CHKA: variants seen among roughly 807,000 people sequenced by gnomAD.
CHKA encodes the protein choline kinase alpha, also known as CHETK-alpha.
A neutral mutation model predicts 60.1 loss-of-function variants in CHKA; 34 were observed. That is an observed-to-expected ratio of 0.57 (90% CI 0.43 to 0.75). The LOEUF is 0.75. CHKA is among the 30% of genes least tolerant of loss of function. The pLI is 0.00. For missense variants in CHKA, 563 were observed against 561.3 expected (o/e 1.00, Z -0.03); for synonymous variants, 217 against 223.1 (o/e 0.97, Z 0.24).
chr11:68,067,614 G>A (rs986153181), intron 7 of CHKA, among the ~76,000 whole-genome samples: 3 of 152,166 alleles, frequency 2.0e-5, no homozygotes, highest in Non-Finnish European at 4.4e-5. Flanking sequence ...ATTGGAGGCA[G>A]ACGCCCAAAG....
intron 1 of CHKA, 151 bp from the exon 2 acceptor site, chr11:68,097,281 T>TA (rs1269927346): frequency 1.9e-6 from 1 of 533,376 alleles, no homozygotes; most frequent in Non-Finnish European, 3.2e-6. Flanking sequence ...TGAGTCACAT[T>TA]AAAAACAGAC....
In CHKA at chr11:68,074,848, A is replaced by C. The variant is rs1465847644; in HGVS notation, c.517-18T>G. ...TCAGCCCCCTAAAACAGATGGCAAC[A>C]AATCAGGTGTTTACTGAGTGTTTGC... is the stretch of plus-strand genomic sequence containing the variant. On this transcript the variant is annotated intron_variant, in intron 3 of 11. Coordinates refer to ENST00000265689, the MANE Select transcript of CHKA (RefSeq NM_001277.3). 2 of 1,612,048 alleles carry C rather than the reference A, an allele frequency of 1.2e-6. No individual in the cohort carries two copies. Among genetic ancestry groups the C allele is most frequent in the Admixed American group, 3.3e-5 (2 of 60,012 alleles).
At position 68,081,481 on chromosome 11, in the gene CHKA, C is replaced by T. The variant is rs904897534; in HGVS notation, c.463-24G>A. 3 of 1,596,376 alleles carry T rather than the reference C, an allele frequency of 1.9e-6. No homozygotes were observed. The Admixed American group carries it at 5.0e-5, about 27-fold the overall frequency. On this transcript the variant is annotated intron_variant, in intron 2 of 11. Coordinates refer to ENST00000265689, the MANE Select transcript of CHKA (RefSeq NM_001277.3). ...CTCTATGAATGAGAAAAAGGAAACA[C>T]TTCTGGTGAGATGGGGAACACTAAA... is the stretch of plus-strand genomic sequence containing the variant.
chr11:68,119,550 ACCGCCG>A (rs1374259175), intron 1 of CHKA, among the ~76,000 whole-genome samples: 1 of 152,122 alleles, frequency 6.6e-6, no homozygotes, highest in East Asian at 1.9e-4. Context: ...GCTCACTGCA[ACCGCCG>A]CCTCCCAGGT....
chr11:68,093,007 GT>G (rs34534250), intron 2 of CHKA, among the ~76,000 whole-genome samples: 7,302 of 139,544 alleles, frequency 0.052, 121 homozygotes, highest in African/African-American at 0.098. Context: ...TTTTTTTTGG[GT>G]TTTTTTTTTT....
chr11:68,109,566 G>A (rs1027761590), intron 1 of CHKA, among the ~76,000 whole-genome samples: 1 of 152,132 alleles, frequency 6.6e-6, no homozygotes, highest in African/African-American at 2.4e-5. Flanking sequence ...GCGGGGAGGA[G>A]AACTAAGAAA....
intron 4 of CHKA, 107 bp from the exon 5 acceptor site, chr11:68,070,964 T>G: frequency 9.2e-7 from 1 of 1,082,050 alleles, no homozygotes; most frequent in East Asian, 2.5e-5. Flanking sequence ...CATTTAAGTC[T>G]CACCCAATGC....
intron 2 of CHKA, among the ~76,000 whole-genome samples, chr11:68,088,339 T>C: frequency 6.6e-6 from 1 of 152,126 alleles, no homozygotes; most frequent in East Asian, 1.9e-4. Context: ...GTGATGCCCA[T>C]TTGGTCTTGG....
chr11:68,096,212 A>G (rs899634563), intron 2 of CHKA, among the ~76,000 whole-genome samples: 2 of 151,704 alleles, frequency 1.3e-5, no homozygotes, highest in Admixed American at 1.3e-4. Flanking sequence ...AAAAAAGTAC[A>G]AAATTAGCCA....
At chr11:68,084,452 G>GTA (rs1310993703) in intron 2 of CHKA, among the ~76,000 whole-genome samples, 92 of 139,478 alleles carry the variant, frequency 6.6e-4, no homozygotes, top group East Asian at 2.5e-3. Flanking sequence ...ATATATGTGT[G>GTA]TATATATATA....
intron 11 of CHKA, among the ~76,000 whole-genome samples, chr11:68,061,146 AC>A (rs1429158614): frequency 9.0e-6 from 1 of 110,792 alleles, no homozygotes; most frequent in Non-Finnish European, 1.7e-5. Context: ...TTGTTCTGTC[AC>A]CCAGGCTGGA....
rs77809036 is a variant in CHKA at position 68,096,092 on chromosome 11, G to A, written c.462+927C>T. On this transcript the variant is annotated intron_variant, in intron 2 of 11. Coordinates refer to ENST00000265689, the MANE Select transcript of CHKA (RefSeq NM_001277.3). ...GAAATACCTCAACCTGGCCGGGTGC[G>A]GTGGCTCATGCCTGTAATCCCAGCA... Among the ~76,000 whole-genome samples the A allele has an allele frequency of 9.8e-3, 1,488 of 151,818 alleles. 125 individuals carry two copies. In the East Asian group the frequency reaches 0.2, roughly 21 times the overall value.
intron 3 of CHKA, among the ~76,000 whole-genome samples, 176 bp from the exon 4 acceptor site, chr11:68,075,006 AT>A: frequency 6.6e-6 from 1 of 152,362 alleles, no homozygotes; most frequent in Middle Eastern, 3.4e-3. Flanking sequence ...AAAGTCACAC[AT>A]CGTGTCATTT....
chr11:68,083,262 G>A (rs1857043623), intron 2 of CHKA, among the ~76,000 whole-genome samples: 1 of 152,170 alleles, frequency 6.6e-6, no homozygotes, highest in African/African-American at 2.4e-5. Context: ...ACCAGTGATA[G>A]CAAATTCCCA....
intron 1 of CHKA, among the ~76,000 whole-genome samples, chr11:68,105,914 T>C (rs777171874): frequency 6.6e-6 from 1 of 152,106 alleles, no homozygotes; most frequent in Non-Finnish European, 1.5e-5. Flanking sequence ...GGCAGTTCCA[T>C]GACTATCATC....
chr11:68,113,134 AAC>A (rs1858240753), intron 1 of CHKA, among the ~76,000 whole-genome samples: 6 of 150,400 alleles, frequency 4.0e-5, no homozygotes, highest in Admixed American at 2.0e-4. Flanking sequence ...GAAAAAAAAA[AAC>A]AATTAAATTA....
rs57972693 is a variant in CHKA at position 68,098,271 on chromosome 11, C to CAA, written c.351-1143_351-1142dup. On this transcript the variant is annotated intron_variant, in intron 1 of 11. Coordinates refer to ENST00000265689, the MANE Select transcript of CHKA (RefSeq NM_001277.3). ...GGGCGACAGAGTGAGACTCCTATCT[C>CAA]AAAAAAAAAAAAAAAAAAAAAGAAA... Among the ~76,000 whole-genome samples, 766 of 120,426 alleles carry CAA rather than the reference C, an allele frequency of 6.4e-3. 8 individuals carry two copies. Among genetic ancestry groups the CAA allele is most frequent in the South Asian group, 0.014 (55 of 3,804 alleles). 79.0% of individuals were successfully genotyped at this position (120,426 alleles called of 152,430 possible).
intron 1 of CHKA, among the ~76,000 whole-genome samples, chr11:68,113,479 G>A (rs561477463): frequency 3.4e-5 from 5 of 148,184 alleles, no homozygotes; most frequent in East Asian, 2.0e-4. Flanking sequence ...GGCAGATCAC[G>A]TGGGTCAGGA....
chr11:68,100,591 CAATAAATAAATACATA>C (rs1178184081), intron 1 of CHKA, among the ~76,000 whole-genome samples: 45 of 100,736 alleles, frequency 4.5e-4, no homozygotes, highest in Non-Finnish European at 5.8e-4. Flanking sequence ...ACATCATCTC[CAATAAATAAATACATA>C]AATAAATAAA....
Sources: allele counts gnomAD v4.1 joint callset (sites outside exome capture counted in the v4.1 genomes callset), GRCh38; gene constraint gnomAD v4.1.1; transcripts MANE v1.5; gene names NCBI Gene and HGNC (gene_info 2026-07-23, HGNC 2026-07-21).